The following TENM2 variants were observed in gnomAD, a reference collection of about 807,000 sequenced individuals.
TENM2 encodes the protein teneurin transmembrane protein 2.
TENM2 carries 52 observed loss-of-function variants against 245.2 expected under a neutral mutation model. The ratio of observed to expected loss-of-function variants is 0.21; its 90% CI spans 0.17 to 0.27. The LOEUF (loss-of-function observed/expected upper bound fraction) is 0.27. Among genes scored for constraint, TENM2 ranks in the 10% least tolerant of loss-of-function variants. The pLI is 1.00. For missense variants in TENM2, 3,046 were observed against 3,666.8 expected (o/e 0.83, Z 4.37); for synonymous variants, 1,363 against 1,438.9 (o/e 0.95, Z 1.19).
chr5:167,712,494 A>C (rs1235418041), intron 2 of TENM2, among the ~76,000 whole-genome samples: 1 of 152,220 alleles, frequency 6.6e-6, no homozygotes, highest in Non-Finnish European at 1.5e-5. Flanking sequence ...TAACTTGGTC[A>C]TTTTACAAAA....
chr5:167,250,952 T>C, the TENM2 span, among the ~76,000 whole-genome samples: 1 of 152,154 alleles, frequency 6.6e-6, no homozygotes, highest in Admixed American at 6.6e-5. Flanking sequence ...TGGTTTTATT[T>C]GGTGAAATGG....
chr5:168,202,707 A>T (rs751916976), intron 17 of TENM2, among the ~76,000 whole-genome samples: 2 of 151,906 alleles, frequency 1.3e-5, no homozygotes, highest in African/African-American at 2.4e-5. Context: ...TAGGAAATAC[A>T]TAGAGTTTTT....
rs146808199 is a variant in TENM2, at chr5:167,437,411, A to G, written c.502+61938A>G. Among the ~76,000 whole-genome samples the G allele has an allele frequency of 5.4e-3, 822 of 152,244 alleles. 5 individuals are homozygous for G. Among genetic ancestry groups the G allele is most frequent in the African/African-American group, 0.019 (785 of 41,532 alleles). On this transcript the variant is annotated intron_variant, in intron 2 of 28. Transcript: ENST00000518659. ...GTACCCCCATTGTATCTAAGAAGTA[A>G]CTAACTTGCTTTTGATTTTACATGC...
chr5:167,290,291 A>C (rs189241473), intron 1 of TENM2, among the ~76,000 whole-genome samples: 1 of 152,228 alleles, frequency 6.6e-6, no homozygotes, highest in Non-Finnish European at 1.5e-5. Flanking sequence ...GATCTTGATC[A>C]AATTCTAGAA....
At chr5:167,735,802 T>C (rs908961111) in intron 2 of TENM2, among the ~76,000 whole-genome samples, 1 of 151,936 alleles carries the variant, frequency 6.6e-6, no homozygotes, top group African/African-American at 2.4e-5. Context: ...TGAGACCCTG[T>C]CTCACAAAAA....
intron 2 of TENM2, among the ~76,000 whole-genome samples, chr5:167,596,850 C>A (rs1172703869): frequency 6.6e-6 from 1 of 151,668 alleles, no homozygotes; most frequent in Non-Finnish European, 1.5e-5. Flanking sequence ...AGAGATAACT[C>A]TTCTTCCATT....
At chr5:167,520,827 C>G (rs943494278) in intron 2 of TENM2, among the ~76,000 whole-genome samples, 1 of 151,630 alleles carries the variant, frequency 6.6e-6, no homozygotes, top group Non-Finnish European at 1.5e-5. Flanking sequence ...CTCAATTGGG[C>G]CTTTCACTTT....
At chr5:168,248,644 A>G (rs1328816373) in intron 27 of TENM2, among the ~76,000 whole-genome samples, 1 of 152,222 alleles carries the variant, frequency 6.6e-6, no homozygotes, top group African/African-American at 2.4e-5. Context: ...AACAGAGGAA[A>G]GCAGTAAGAA....
intron 13 of TENM2, among the ~76,000 whole-genome samples, chr5:168,183,187 A>C (rs1313674537): frequency 6.6e-6 from 1 of 152,190 alleles, no homozygotes; most frequent in African/African-American, 2.4e-5. Context: ...ATGTAGGGTC[A>C]ATAAGATGCC....
At chr5:167,560,992 C>G (rs1370342570) in intron 2 of TENM2, among the ~76,000 whole-genome samples, 1 of 152,160 alleles carries the variant, frequency 6.6e-6, no homozygotes, top group African/African-American at 2.4e-5. Context: ...AGCCCCACAA[C>G]AAGCCATGAT....
At chr5:167,568,124 G>A (rs1774028515) in intron 2 of TENM2, among the ~76,000 whole-genome samples, 1 of 152,236 alleles carries the variant, frequency 6.6e-6, no homozygotes, top group East Asian at 1.9e-4. Flanking sequence ...GGCAGGACAA[G>A]ATTAATGGGA....
intron 3 of TENM2, among the ~76,000 whole-genome samples, chr5:167,940,438 T>C (rs1232511228): frequency 6.6e-6 from 1 of 152,106 alleles, no homozygotes; most frequent in Non-Finnish European, 1.5e-5. Flanking sequence ...AGTATGTGCT[T>C]TAGAGAAAAA....
the TENM2 span, among the ~76,000 whole-genome samples, chr5:167,065,982 G>A: frequency 1.3e-5 from 2 of 152,164 alleles, no homozygotes; most frequent in East Asian, 3.9e-4. Flanking sequence ...CATCAAGGAT[G>A]ACTGAGTGTT....
At chr5:168,013,663 G>A (rs1785438152) in intron 5 of TENM2, among the ~76,000 whole-genome samples, 1 of 152,166 alleles carries the variant, frequency 6.6e-6, no homozygotes, top group African/African-American at 2.4e-5. Context: ...TCTGGAAATA[G>A]ATGCAACAGC....
chr5:167,968,519 C>A (rs1235097409), intron 4 of TENM2, among the ~76,000 whole-genome samples: 1 of 152,132 alleles, frequency 6.6e-6, no homozygotes, highest in Non-Finnish European at 1.5e-5. Context: ...ATTCATGAGT[C>A]CATTTCTCAA....
intron 4 of TENM2, among the ~76,000 whole-genome samples, chr5:167,957,114 T>G (rs973130975): frequency 2.6e-5 from 4 of 152,222 alleles, no homozygotes; most frequent in East Asian, 1.9e-4. Flanking sequence ...GGCTTTTTTT[T>G]TTGTTGGTAG....
At chr5:168,135,106 C>A (rs1257419364) in intron 12 of TENM2, among the ~76,000 whole-genome samples, 1 of 152,184 alleles carries the variant, frequency 6.6e-6, no homozygotes, top group Non-Finnish European at 1.5e-5. Flanking sequence ...ACCACGCATG[C>A]CTTCTGGAAA....
chr5:167,524,836 T>C (rs1770999590), intron 2 of TENM2, among the ~76,000 whole-genome samples: 1 of 151,512 alleles, frequency 6.6e-6, no homozygotes, highest in African/African-American at 2.4e-5. Flanking sequence ...TAAGAATTTT[T>C]ACACGCTCAC....
At chr5:167,090,329 T>C in the TENM2 span, among the ~76,000 whole-genome samples, 1 of 151,990 alleles carries the variant, frequency 6.6e-6, no homozygotes, top group Admixed American at 6.6e-5. Context: ...CAGAGACATC[T>C]GTCTCTATTC....
Sources: gnomAD v4.1 joint callset for allele counts (sites outside exome capture counted in the v4.1 genomes callset) on GRCh38, gnomAD v4.1.1 for gene constraint, MANE v1.5 for transcripts, NCBI Gene and HGNC (gene_info 2026-07-23, HGNC 2026-07-21) for gene names.